ZNF556: variants seen among roughly 807,000 people sequenced by gnomAD.
ZNF556 encodes zinc finger protein 556.
Under a neutral mutation model 13.6 loss-of-function variants are expected in ZNF556, and 11 were observed. The observed-to-expected ratio is 0.81, with a 90% CI of 0.51 to 1.33. ZNF556 has a LOEUF of 1.33. Ranked by LOEUF, ZNF556 falls within the 40% of genes most tolerant of loss-of-function variation. The pLI is 0.00. For synonymous variants in ZNF556, 229 were observed against 207.8 expected (o/e 1.10, Z -0.88); for missense variants, 633 against 566.2 (o/e 1.12, Z -1.20).
intron 1 of ZNF556, among the ~76,000 whole-genome samples, chr19:2,872,857 G>T (rs1191400000): frequency 3.3e-5 from 5 of 151,714 alleles, no homozygotes; most frequent in Admixed American, 3.3e-4. Context: ...AAAAGGCCGG[G>T]TGTGGTGGCT....
rs2087870653 is a variant in ZNF556, at chr19:2,877,857, C to T, written c.899C>T (p.Thr300Ile). Residue 300 changes from threonine (T) to isoleucine (I), a missense_variant, in exon 4 of 4, where the codon ACA (threonine) becomes ATA (isoleucine). By Grantham distance (89) the Thr-to-Ile change is moderately conservative (BLOSUM62 -1). Transcript: ENST00000307635. ...TGTGGGAAAGCCTACTGCTGGGCAA[C>T]ATCCTTTCAACGACACGTGAGAATT... ...KQCGKAYCWA[T>I]SFQRHVRIHN... is the part of the protein sequence containing the mutation. 1 of 1,614,188 alleles carries T rather than the reference C, an allele frequency of 6.2e-7. No homozygotes were observed. Among genetic ancestry groups the T allele is most frequent in the Non-Finnish European group, 8.5e-7 (1 of 1,180,038 alleles).
At position 2,882,155 on chromosome 19, in the gene ZNF556, CG is replaced by C. The variant is rs1226060723; in HGVS notation, c.*3828del. ...CAATAATTATTTCCCTGGCCGGGCG[CG>C]GTGGCTCACGCCTGTAATCCCAGCA... On this transcript the variant is annotated 3_prime_UTR_variant, in exon 4 of 4. Coordinates refer to ENST00000307635, the MANE Select transcript of ZNF556 (RefSeq NM_024967.3). 5 of 152,254 alleles carry C rather than the reference CG, an allele frequency of 3.3e-5. No individual in the cohort carries two copies. In the East Asian group the frequency reaches 9.7e-4, roughly 29 times the overall value. The allele number at this position is 152,254 out of a possible 1,614,324, so 9.4% of individuals were successfully genotyped here.
rs141286183 is a variant in ZNF556 at position 2,874,239 on chromosome 19, A to G, written c.130+617A>G. Reference sequence around the variant, plus strand: ...GCCACTGCACTCTAGCCTGGGCCATAGAGTGAGACTCCGTCTCAAAAAATA... The same window carrying G: ...GCCACTGCACTCTAGCCTGGGCCATGGAGTGAGACTCCGTCTCAAAAAATA... On this transcript the variant is annotated intron_variant, in intron 2 of 3. Transcript: ENST00000307635. Among the ~76,000 whole-genome samples the G allele has an allele frequency of 9.1e-3, 1,389 of 152,280 alleles. 26 individuals carry two copies. The highest frequency in any genetic ancestry group is 0.032 in the African/African-American group (1,325 of 41,560).
rs1015683968 is a variant in ZNF556 at position 2,878,539 on chromosome 19, G to C, written c.*210G>C. On this transcript the variant is annotated 3_prime_UTR_variant, in exon 4 of 4. Coordinates refer to ENST00000307635, the MANE Select transcript of ZNF556 (RefSeq NM_024967.3). ...AAAATACAAAAAATTAGCCGGGCGT[G>C]GTGGCGGGCACCTGTAGTCCCAGCT... The C allele has an allele frequency of 7.2e-6, 3 of 417,648 alleles. No individual in the cohort carries two copies. The highest frequency in any genetic ancestry group is 8.6e-6 in the Non-Finnish European group (2 of 232,472). 25.9% of individuals were successfully genotyped at this position (417,648 alleles called of 1,614,324 possible). A position where few individuals can be genotyped will look rare whatever the true frequency, so the allele number is the denominator to read the frequency against.
intron 2 of ZNF556, among the ~76,000 whole-genome samples, 199 bp downstream of exon 2, chr19:2,873,821 G>A (rs2087826191): frequency 6.6e-6 from 1 of 151,880 alleles, no homozygotes; most frequent in South Asian, 2.1e-4. Flanking sequence ...GCCCGGTGTG[G>A]TAGCATGCTC....
chr19:2,873,678 T>C, intron 2 of ZNF556, 56 bp downstream of exon 2: 1 of 1,579,404 alleles, frequency 6.3e-7, no homozygotes. Context: ...TTTTGTCTGG[T>C]TGCAGTGGTT....
intron 1 of ZNF556, among the ~76,000 whole-genome samples, chr19:2,870,937 G>T (rs1051836414): frequency 6.6e-6 from 1 of 151,712 alleles, no homozygotes; most frequent in South Asian, 2.1e-4. Flanking sequence ...TACTCGGGAG[G>T]CTGAGGCGGG....
In ZNF556 at chr19:2,877,393, A is replaced by G; in HGVS notation, c.435A>G (p.Arg145=). The part of the protein sequence containing the change: ...HLRKNCCTSV[R]RYECSQCGKL... ...GCAAGAATTGTTGTACTAGTGTAAG[A>G]CGGTACGAATGCAGTCAGTGTGGAA... is the stretch of plus-strand genomic sequence containing the variant. The change falls in exon 4 of 4, where the codon AGA becomes AGG. Residue 145 remains arginine (R), a synonymous_variant. Transcript: ENST00000307635. 1 of 1,614,196 alleles carries G rather than the reference A, an allele frequency of 6.2e-7. No individual in the cohort carries two copies.
Position 2,878,271 on chromosome 19 carries a change from A to G in ZNF556, c.1313A>G (p.Lys438Arg), listed in dbSNP as rs1293232541. The G allele has an allele frequency of 1.2e-6, 2 of 1,614,216 alleles. No homozygotes were observed. The highest frequency in any genetic ancestry group is 1.1e-5 in the South Asian group (1 of 91,086). ...EKCGKAFSCP[K>R]AFQGHVRSHT... ...TGTGGGAAAGCTTTCAGTTGTCCCA[A>G]AGCCTTTCAAGGTCATGTGAGAAGT... Residue 438 changes from lysine (K) to arginine (R), a missense_variant, in exon 4 of 4, where the codon AAA becomes AGA. Transcript: ENST00000307635.
At chr19:2,873,762 T>C in intron 2 of ZNF556, 140 bp downstream of exon 2, 1 of 1,009,786 alleles carries the variant, frequency 9.9e-7, no homozygotes. Flanking sequence ...ACAACCAGCC[T>C]GGGCAACATA....
In ZNF556 at chr19:2,877,583, G is replaced by T. The variant is rs374001405; in HGVS notation, c.625G>T (p.Gly209Trp). The T allele has an allele frequency of 6.2e-7, 1 of 1,614,130 alleles. No individual in the cohort carries two copies. ...GEKPYACQSC[G>W]KTFLRSHSLT... is the part of the protein sequence containing the mutation. Reference sequence around the variant, plus strand: ...GAAACCCTATGCCTGTCAATCTTGCGGGAAGACATTTCTTCGTTCCCACTC... The same window carrying T: ...GAAACCCTATGCCTGTCAATCTTGCTGGAAGACATTTCTTCGTTCCCACTC... The change falls in exon 4 of 4, where the codon GGG (glycine) becomes TGG (tryptophan). Residue 209 changes from glycine to tryptophan, a missense_variant. Gly to Trp is a radical substitution (Grantham distance 184). Coordinates refer to ENST00000307635, the MANE Select transcript of ZNF556 (RefSeq NM_024967.3).
Position 2,882,526 on chromosome 19 carries a change from T to TAC in ZNF556, c.*4198_*4199insCA, listed in dbSNP as rs1315098438. 1 of 99,484 alleles carries TAC rather than the reference T, an allele frequency of 1.0e-5. No homozygotes were observed. The highest frequency in any genetic ancestry group is 3.9e-5 in the African/African-American group (1 of 25,622). 6.2% of individuals were successfully genotyped at this position (99,484 alleles called of 1,614,324 possible). ...GATGTATACATTTTATATATATATA[T>TAC]ATATAGTGTGTGTGTGTGTGTGTGT... On this transcript the variant is annotated 3_prime_UTR_variant, in exon 4 of 4. Coordinates refer to ENST00000307635, the MANE Select transcript of ZNF556 (RefSeq NM_024967.3).
rs536314424 is a variant in ZNF556 at position 2,880,981 on chromosome 19, C to T, written c.*2652C>T. The T allele has an allele frequency of 2.0e-4, 30 of 150,954 alleles. No individual in the cohort carries two copies. The highest frequency in any genetic ancestry group is 7.0e-4 in the African/African-American group (29 of 41,212). 9.4% of individuals were successfully genotyped at this position (150,954 alleles called of 1,614,324 possible). On this transcript the variant is annotated 3_prime_UTR_variant, in exon 4 of 4. Coordinates refer to ENST00000307635, the MANE Select transcript of ZNF556 (RefSeq NM_024967.3). ...CGCCAAGGTTCAAGTGATTCTCCTA[C>T]CTCAGCCTCCTGAAGAGCTGGGATT...
rs1364927648 is a variant in ZNF556 at position 2,879,561 on chromosome 19, G to A, written c.*1232G>A. Reference sequence around the variant, plus strand: ...GACGGGGTTTCACCATGTTGGCCAGGGTGGTCTCAAACTCCTGAAATCTGC... The same window carrying A: ...GACGGGGTTTCACCATGTTGGCCAGAGTGGTCTCAAACTCCTGAAATCTGC... On this transcript the variant is annotated 3_prime_UTR_variant, in exon 4 of 4. Transcript: ENST00000307635. 1 of 151,914 alleles carries A rather than the reference G, an allele frequency of 6.6e-6. No individual in the cohort carries two copies. The highest frequency in any genetic ancestry group is 2.4e-5 in the African/African-American group (1 of 41,336). The allele number at this position is 151,914 out of a possible 1,614,324, so 9.4% of individuals were successfully genotyped here.
Position 2,873,065 on chromosome 19 carries a change from G to A in ZNF556, c.4-431G>A, listed in dbSNP as rs142727717. On this transcript the variant is annotated intron_variant, in intron 1 of 3. Transcript: ENST00000307635. The stretch of plus-strand genomic sequence containing the variant: ...GGACAATCGCTTGAACCCAGGAGGC[G>A]CAGCTTGCAGTGAGCCGAGATCGCC... Among the ~76,000 whole-genome samples the A allele has an allele frequency of 5.6e-3, 837 of 150,596 alleles. 9 individuals carry two copies. The highest frequency in any genetic ancestry group is 0.019 in the African/African-American group (764 of 40,832).
At position 2,880,381 on chromosome 19, in the gene ZNF556, T is replaced by C. The variant is rs2087895438; in HGVS notation, c.*2052T>C. On this transcript the variant is annotated 3_prime_UTR_variant, in exon 4 of 4. Transcript: ENST00000307635. ...TATTTAACTGAGTTTTTCAAATAAG[T>C]TGTATACTAACAAATGTCAATCTCT... is the stretch of plus-strand genomic sequence containing the variant. 6.6e-6 allele frequency: 1 copy of C among 152,226 alleles called. No individual in the cohort carries two copies. The highest frequency in any genetic ancestry group is 2.1e-4 in the South Asian group (1 of 4,832). The allele number at this position is 152,226 out of a possible 1,614,324, so 9.4% of individuals were successfully genotyped here.
chr19:2,868,846 A>G (rs777281702), intron 1 of ZNF556, among the ~76,000 whole-genome samples: 10 of 150,948 alleles, frequency 6.6e-5, no homozygotes, highest in Non-Finnish European at 1.2e-4. Context: ...AGCCTCCCGA[A>G]TAGCTGGGAT....
chr19:2,882,721 AT>A lies in ZNF556; in HGVS notation c.*4398del, dbSNP rs577931303. On this transcript the variant is annotated 3_prime_UTR_variant, in exon 4 of 4. Transcript: ENST00000307635. Reference sequence around the variant, plus strand: ...AGGCGTGCCCCGCCACGCCCAGCTAATTTTTTGTATTTTTAGTACAGGTGGG... The same window carrying A: ...AGGCGTGCCCCGCCACGCCCAGCTAATTTTTGTATTTTTAGTACAGGTGGG... 1 of 151,794 alleles carries A rather than the reference AT, an allele frequency of 6.6e-6. No homozygotes were observed. Among genetic ancestry groups the A allele is most frequent in the Non-Finnish European group, 1.5e-5 (1 of 67,986 alleles). 9.4% of individuals were successfully genotyped at this position (151,794 alleles called of 1,614,324 possible). A position where few individuals can be genotyped will look rare whatever the true frequency, so the allele number is the denominator to read the frequency against.
At position 2,873,498 on chromosome 19, in the gene ZNF556, C is replaced by T. The variant is rs987460338; in HGVS notation, c.6C>T (p.Asp2=). The T allele has an allele frequency of 2.5e-6, 4 of 1,613,884 alleles. No homozygotes were observed. The African/African-American group carries it at 4.0e-5, about 16-fold the overall frequency. The part of the protein sequence containing the change: M[D]TVVFEDVVVD... ...TACACATATGTGGTTTGTTTTAGGACACAGTGGTCTTTGAAGACGTGGTTG... is the reference window on the plus strand; with the variant it reads ...TACACATATGTGGTTTGTTTTAGGATACAGTGGTCTTTGAAGACGTGGTTG... Residue 2 remains aspartate, a splice_region_variant and synonymous_variant, in exon 2 of 4, where the codon GAC becomes GAT. Transcript: ENST00000307635.
Sources: gnomAD v4.1 joint callset for allele counts (sites outside exome capture counted in the v4.1 genomes callset) on GRCh38, gnomAD v4.1.1 for gene constraint, MANE v1.5 for transcripts, NCBI Gene and HGNC (gene_info 2026-07-23, HGNC 2026-07-21) for gene names.